Variants in RSRC1 observed in about 807,000 individuals in gnomAD.
The protein encoded by RSRC1 is serine/Arginine-related protein 53.
Under a neutral mutation model 49.1 loss-of-function variants are expected in RSRC1, and 39 were observed. The observed-to-expected ratio is 0.79, with a 90% CI of 0.61 to 1.04. The LOEUF is 1.04. RSRC1 is among the 50% of genes least tolerant of loss of function. The pLI, the probability that RSRC1 is intolerant of heterozygous loss-of-function variation, is 0.00. For missense variants in RSRC1, 388 were observed against 402.4 expected (o/e 0.96, Z 0.31); for synonymous variants, 143 against 130.8 (o/e 1.09, Z -0.63).
chr3:158,256,028 C>G (rs1477316614), intron 4 of RSRC1, among the ~76,000 whole-genome samples: 1 of 152,172 alleles, frequency 6.6e-6, no homozygotes, highest in African/African-American at 2.4e-5. Context: ...TTGACTTCCT[C>G]TTTTCCTATT....
chr3:158,131,422 A>G (rs11712868), intron 3 of RSRC1, among the ~76,000 whole-genome samples: 1 of 151,926 alleles, frequency 6.6e-6, no homozygotes, highest in Non-Finnish European at 1.5e-5. Context: ...AGTCATTTCT[A>G]TGTACTGAAG....
intron 3 of RSRC1, among the ~76,000 whole-genome samples, chr3:158,145,342 C>T (rs77830638): frequency 0.63 from 95,831 of 152,028 alleles, 30,837 homozygotes; most frequent in African/African-American, 0.73. Context: ...TTTCAGCTTT[C>T]TACATATGGC....
At chr3:158,293,605 A>G (rs1040944446) in intron 4 of RSRC1, among the ~76,000 whole-genome samples, 2 of 151,988 alleles carry the variant, frequency 1.3e-5, no homozygotes, top group East Asian at 3.9e-4. Flanking sequence ...TAATTGCTCA[A>G]TTCTAGGCCA....
At chr3:158,219,362 T>C (rs1437467186) in intron 4 of RSRC1, among the ~76,000 whole-genome samples, 1 of 151,510 alleles carries the variant, frequency 6.6e-6, no homozygotes, top group African/African-American at 2.4e-5. Context: ...TATTTCAGAA[T>C]GGAACATTAT....
intron 6 of RSRC1, among the ~76,000 whole-genome samples, chr3:158,455,979 C>CAAAAAAAAAAAAAAAAAAAA (rs765828003): frequency 1.8e-5 from 1 of 56,496 alleles, no homozygotes; most frequent in Non-Finnish European, 3.6e-5. Context: ...GACTCCATCT[C>CAAAAAAAAAAAAAAAAAAAA]AAAAAAAAAA....
chr3:158,443,955 G>A (rs1736529931), intron 6 of RSRC1, among the ~76,000 whole-genome samples: 1 of 152,084 alleles, frequency 6.6e-6, no homozygotes, highest in Non-Finnish European at 1.5e-5. Context: ...CCAGTTGGTG[G>A]CACAGTCAGA....
chr3:158,485,369 A>G (rs993801359), intron 7 of RSRC1, among the ~76,000 whole-genome samples: 1 of 152,112 alleles, frequency 6.6e-6, no homozygotes, highest in Admixed American at 6.6e-5. Context: ...ATTTTATTAT[A>G]TACACAAAAC....
intron 4 of RSRC1, among the ~76,000 whole-genome samples, chr3:158,256,639 G>A (rs1017226137): frequency 2.6e-5 from 4 of 152,138 alleles, no homozygotes; most frequent in African/African-American, 9.7e-5. Flanking sequence ...GGTTTCATAA[G>A]GAATGGTACC....
intron 7 of RSRC1, among the ~76,000 whole-genome samples, chr3:158,475,858 A>T (rs529108760): frequency 2.0e-5 from 3 of 152,098 alleles, no homozygotes; most frequent in Non-Finnish European, 4.4e-5. Context: ...CATGTCCCTC[A>T]CTTACATCAA....
chr3:158,240,983 T>C (rs1024078865), intron 4 of RSRC1, among the ~76,000 whole-genome samples: 1 of 152,242 alleles, frequency 6.6e-6, no homozygotes, highest in African/African-American at 2.4e-5. Context: ...TCTATTTTCT[T>C]ATTAGTTATT....
rs147867701 is a variant in RSRC1 at position 158,178,721 on chromosome 3, A to C, written c.321-24351A>C. On this transcript the variant is annotated intron_variant, in intron 3 of 9. Transcript: ENST00000611884. ...TTGGAATTTTTTGGGGATTACATTA[A>C]ATTTGTGAATTGAAACCTGGTACCT... Among the ~76,000 whole-genome samples, 11 of 152,204 alleles carry C rather than the reference A, an allele frequency of 7.2e-5. No individual in the cohort carries two copies. The East Asian group carries it at 1.9e-3, about 27-fold the overall frequency.
intron 1 of RSRC1, among the ~76,000 whole-genome samples, chr3:158,119,165 A>T (rs983949104): frequency 2.6e-5 from 4 of 151,858 alleles, no homozygotes; most frequent in African/African-American, 7.3e-5. Flanking sequence ...AAATTCAATC[A>T]ATTTTTTTTT....
In RSRC1 at chr3:158,189,237, A is replaced by G. The variant is rs984164257; in HGVS notation, c.321-13835A>G. ...GTTGAGGCTACCTTCGTGGCCCGCC[A>G]TATACTTTATTTTAGAAAATATTAT... On this transcript the variant is annotated intron_variant, in intron 3 of 9. Coordinates refer to ENST00000611884, the MANE Select transcript of RSRC1 (RefSeq NM_001271838.2). Among the ~76,000 whole-genome samples the G allele has an allele frequency of 2.0e-5, 3 of 151,952 alleles. No individual in the cohort carries two copies. The South Asian group carries it at 6.2e-4, about 31-fold the overall frequency.
At chr3:158,287,240 C>T (rs1479493237) in intron 4 of RSRC1, among the ~76,000 whole-genome samples, 2 of 151,934 alleles carry the variant, frequency 1.3e-5, no homozygotes, top group Non-Finnish European at 2.9e-5. Flanking sequence ...ATTATTGGGA[C>T]ATAATTTTAT....
At chr3:158,356,323 A>C (rs1455002840) in intron 6 of RSRC1, among the ~76,000 whole-genome samples, 2 of 152,104 alleles carry the variant, frequency 1.3e-5, no homozygotes, top group African/African-American at 2.4e-5. Flanking sequence ...ACATATGTGC[A>C]TATTGATTAA....
intron 4 of RSRC1, among the ~76,000 whole-genome samples, chr3:158,207,860 GA>G (rs1174300765): frequency 1.3e-5 from 2 of 151,856 alleles, no homozygotes; most frequent in Non-Finnish European, 2.9e-5. Context: ...ATACTTTTGA[GA>G]AAAAAATGCG....
At chr3:158,180,602 A>G (rs1342508903) in intron 3 of RSRC1, among the ~76,000 whole-genome samples, 1 of 149,068 alleles carries the variant, frequency 6.7e-6, no homozygotes, top group Non-Finnish European at 1.5e-5. Flanking sequence ...AGCTGGGGCT[A>G]CAGATGTGCC....
chr3:158,129,160 GTT>G (rs1715826062), intron 3 of RSRC1, among the ~76,000 whole-genome samples: 1 of 151,668 alleles, frequency 6.6e-6, no homozygotes, highest in Non-Finnish European at 1.5e-5. Flanking sequence ...TCTCTCAGTG[GTT>G]TTTTTCTGTA....
Position 158,542,842 on chromosome 3 carries a change from G to A in RSRC1, c.760-493G>A, listed in dbSNP as rs934572574. Among the ~76,000 whole-genome samples the A allele has an allele frequency of 3.9e-5, 6 of 151,982 alleles. No individual in the cohort carries two copies. In the East Asian group the frequency reaches 1.2e-3, roughly 29 times the overall value. ...GTATATGAATTCTATAACTCAATAA[G>A]GCTATTTTTCTAAAGATAACCTTTG... On this transcript the variant is annotated intron_variant, in intron 8 of 9. Transcript: ENST00000611884.
Sources: gnomAD v4.1 joint callset for allele counts (sites outside exome capture counted in the v4.1 genomes callset) on GRCh38, gnomAD v4.1.1 for gene constraint, MANE v1.5 for transcripts, NCBI Gene and HGNC (gene_info 2026-07-23, HGNC 2026-07-21) for gene names.